MINDY3: variants seen among roughly 807,000 people sequenced by gnomAD.
The protein encoded by MINDY3 is MINDY lysine 48 deubiquitinase 3.
A neutral mutation model predicts 69.2 loss-of-function variants in MINDY3; 38 were observed. That is an observed-to-expected ratio of 0.55 (90% CI 0.42 to 0.72). The LOEUF is 0.72. Among genes scored for constraint, MINDY3 ranks in the 30% least tolerant of loss-of-function variants. The pLI is 0.00. For synonymous variants in MINDY3, 192 were observed against 180.1 expected (o/e 1.07, Z -0.53); for missense variants, 522 against 519.0 (o/e 1.01, Z -0.06).
At chr10:15,826,654 G>A (rs1270642140) in intron 8 of MINDY3, among the ~76,000 whole-genome samples, 1 of 152,152 alleles carries the variant, frequency 6.6e-6, no homozygotes, top group African/African-American at 2.4e-5. Context: ...CAGGAAACAT[G>A]CTAATGAATA....
At chr10:15,788,536 T>G (rs555248945) in intron 12 of MINDY3, among the ~76,000 whole-genome samples, 2 of 152,220 alleles carry the variant, frequency 1.3e-5, no homozygotes, top group South Asian at 4.1e-4. Context: ...TAGAAAAACT[T>G]GCAGAAGGAA....
At chr10:15,797,900 T>C (rs1021477450) in intron 10 of MINDY3, among the ~76,000 whole-genome samples, 4 of 152,172 alleles carry the variant, frequency 2.6e-5, no homozygotes, top group Non-Finnish European at 4.4e-5. Context: ...CCCTTAACTA[T>C]TTCTAACACA....
At chr10:15,839,565 A>C (rs1200816560) in intron 4 of MINDY3, among the ~76,000 whole-genome samples, 1 of 151,728 alleles carries the variant, frequency 6.6e-6, no homozygotes, top group Non-Finnish European at 1.5e-5. Context: ...CTACAAGAGT[A>C]GACATAAAGA....
chr10:15,857,501 A>T (rs910625237), intron 1 of MINDY3, among the ~76,000 whole-genome samples: 1 of 152,180 alleles, frequency 6.6e-6, no homozygotes, highest in Middle Eastern at 3.2e-3. Context: ...GGGGAGGATA[A>T]ATAGTGTTAA....
At chr10:15,840,013 T>C in intron 4 of MINDY3, among the ~76,000 whole-genome samples, 1 of 151,670 alleles carries the variant, frequency 6.6e-6, no homozygotes, top group Non-Finnish European at 1.5e-5. Context: ...TATTTCATAG[T>C]ATGCACTCAG....
At chr10:15,787,359 T>C (rs1837051580) in intron 12 of MINDY3, among the ~76,000 whole-genome samples, 1 of 152,146 alleles carries the variant, frequency 6.6e-6, no homozygotes, top group Non-Finnish European at 1.5e-5. Context: ...TGCAGTTTAA[T>C]GGGTTTAAAA....
chr10:15,793,843 G>A (rs1472407399), intron 11 of MINDY3, among the ~76,000 whole-genome samples: 1 of 151,984 alleles, frequency 6.6e-6, no homozygotes, highest in Admixed American at 6.6e-5. Flanking sequence ...CCACGCAAAT[G>A]CCACACATCA....
chr10:15,849,935 T>C (rs186371729), intron 1 of MINDY3, among the ~76,000 whole-genome samples: 7 of 152,316 alleles, frequency 4.6e-5, no homozygotes, highest in East Asian at 3.9e-4. Flanking sequence ...CCCTCACTAA[T>C]CTGGTTTTCA....
At chr10:15,836,887 G>A (rs1021348574) in intron 6 of MINDY3, among the ~76,000 whole-genome samples, 3 of 151,788 alleles carry the variant, frequency 2.0e-5, no homozygotes, top group African/African-American at 7.2e-5. Flanking sequence ...TGGAATCAAG[G>A]TCAAAAACAG....
intron 10 of MINDY3, among the ~76,000 whole-genome samples, chr10:15,806,077 C>G (rs1470040302): frequency 1.3e-5 from 2 of 152,142 alleles, no homozygotes; most frequent in Non-Finnish European, 2.9e-5. Context: ...TCTCATCGCC[C>G]CCTTCTTGAG....
At chr10:15,794,640 TCTGAAAAATTGCACTG>T (rs1486422478) in intron 11 of MINDY3, among the ~76,000 whole-genome samples, 7 of 152,094 alleles carry the variant, frequency 4.6e-5, no homozygotes, top group Non-Finnish European at 8.8e-5. Context: ...ACAACTCAAT[TCTGAAAAATTGCACTG>T]ATTATAAATT....
At chr10:15,820,179 G>A (rs1229792273) in intron 9 of MINDY3, among the ~76,000 whole-genome samples, 5 of 152,118 alleles carry the variant, frequency 3.3e-5, no homozygotes, top group Non-Finnish European at 7.4e-5. Flanking sequence ...AGTCTCTGAG[G>A]TACGATCTGC....
chr10:15,859,395 TCCTAAGTCA>T (rs1489714742), intron 1 of MINDY3, among the ~76,000 whole-genome samples: 4 of 152,166 alleles, frequency 2.6e-5, no homozygotes, highest in Admixed American at 6.5e-5. Flanking sequence ...TCATCATCTT[TCCTAAGTCA>T]CCTTTAGGAA....
intron 12 of MINDY3, among the ~76,000 whole-genome samples, chr10:15,788,398 A>G (rs1306070949): frequency 6.6e-6 from 1 of 152,160 alleles, no homozygotes; most frequent in African/African-American, 2.4e-5. Flanking sequence ...ATACTTTCAA[A>G]GAAAGTATGA....
Position 15,814,046 on chromosome 10 carries a change from A to T in MINDY3, c.882+2789T>A, listed in dbSNP as rs193046680. On this transcript the variant is annotated intron_variant, in intron 10 of 14. Coordinates refer to ENST00000277632, the MANE Select transcript of MINDY3 (RefSeq NM_024948.4). ...CCAAAACTGCTTGCTCAAATGCAGA[A>T]ATGTTAAAGAAGGAATGGCCGAATA... Among the ~76,000 whole-genome samples the T allele has an allele frequency of 2.2e-3, 339 of 152,154 alleles. 2 individuals carry two copies. Among genetic ancestry groups the T allele is most frequent in the African/African-American group, 6.8e-3 (283 of 41,566 alleles).
chr10:15,848,010 T>A (rs922961305), intron 1 of MINDY3, 67 bp from the exon 2 acceptor site: 1 of 1,302,080 alleles, frequency 7.7e-7, no homozygotes, highest in African/African-American at 1.5e-5. Flanking sequence ...GAATCTTTCA[T>A]GTACTTTGCT....
intron 1 of MINDY3, among the ~76,000 whole-genome samples, chr10:15,854,165 A>G (rs1269595434): frequency 6.6e-6 from 1 of 152,120 alleles, no homozygotes; most frequent in Non-Finnish European, 1.5e-5. Flanking sequence ...GAAAAGTTAC[A>G]TGATTTGGTT....
chr10:15,852,989 G>T (rs530785554), intron 1 of MINDY3, among the ~76,000 whole-genome samples: 3 of 152,264 alleles, frequency 2.0e-5, no homozygotes, highest in African/African-American at 7.2e-5. Flanking sequence ...TATTTAAAGT[G>T]TAGGGGAAGT....
At position 15,816,896 on chromosome 10, in the gene MINDY3, G is replaced by C; in HGVS notation, c.821C>G (p.Ser274Cys). Residue 274 changes from serine to cysteine, a missense_variant, in exon 10 of 15, where the codon TCT becomes TGT. Coordinates refer to ENST00000277632, the MANE Select transcript of MINDY3 (RefSeq NM_024948.4). ...RYCKVGSYLK[S>C]PKFPIWIVGS... ...AACAATCCAAATAGGGAATTTTGGA[G>C]ATTTCAAGTAAGAACCAACCTAGAA... is the stretch of plus-strand genomic sequence containing the variant. The C allele has an allele frequency of 6.2e-7, 1 of 1,613,134 alleles. No individual in the cohort carries two copies. Among genetic ancestry groups the C allele is most frequent in the Non-Finnish European group, 8.5e-7 (1 of 1,179,424 alleles).
Sources: allele counts gnomAD v4.1 joint callset (sites outside exome capture counted in the v4.1 genomes callset), GRCh38; gene constraint gnomAD v4.1.1; transcripts MANE v1.5; gene names NCBI Gene and HGNC (gene_info 2026-07-23, HGNC 2026-07-21).